MEIKIN: variants seen among roughly 807,000 people sequenced by gnomAD.
MEIKIN encodes the protein meiotic kinetochore factor.
At chr5:131,886,222 A>G (rs1341938592) in intron 8 of MEIKIN, among the ~76,000 whole-genome samples, 1 of 152,210 alleles carries the variant, frequency 6.6e-6, no homozygotes, top group Non-Finnish European at 1.5e-5. Flanking sequence ...CAGGAGGTAG[A>G]GAAAAAGACA....
At chr5:131,819,815 G>A (rs1417248845) in intron 11 of MEIKIN, among the ~76,000 whole-genome samples, 2 of 111,456 alleles carry the variant, frequency 1.8e-5, no homozygotes, top group Non-Finnish European at 3.3e-5. Context: ...TCGCTCTGTC[G>A]CCCAGGCTGG....
rs1174500338 is a variant in MEIKIN, at chr5:131,889,129, T to A, written c.704-10081A>T. Among the ~76,000 whole-genome samples, 3 of 152,202 alleles carry A rather than the reference T, an allele frequency of 2.0e-5. No homozygotes were observed. In the East Asian group the frequency reaches 5.8e-4, roughly 29 times the overall value. On this transcript the variant is annotated intron_variant, in intron 8 of 12. Transcript: ENST00000442687. ...GTTACTGTAGCCTTGTAGTATAGTT[T>A]GGAGTTAGGTAGCGTGATGCCTCCA... is the stretch of plus-strand genomic sequence containing the variant.
In MEIKIN at chr5:131,827,148, C is replaced by A. The variant is rs554401951; in HGVS notation, c.976-8285G>T. 2.0e-5 allele frequency among the ~76,000 whole-genome samples: 3 copies of A among 152,112 alleles called. No homozygotes were observed. The East Asian group carries it at 5.8e-4, about 29-fold the overall frequency. ...TACAGGCATGTGCCACAATGCCTGG[C>A]TAATTATTTTTCCTTTTGTAGAGAC... On this transcript the variant is annotated intron_variant, in intron 11 of 12. Transcript: ENST00000442687.
At chr5:131,883,643 G>A (rs768240887) in intron 8 of MEIKIN, among the ~76,000 whole-genome samples, 1 of 152,218 alleles carries the variant, frequency 6.6e-6, no homozygotes, top group Non-Finnish European at 1.5e-5. Context: ...CATTGCCCCT[G>A]CAAGGACACC....
chr5:131,842,421 T>C (rs1749931521), intron 11 of MEIKIN, among the ~76,000 whole-genome samples: 1 of 152,218 alleles, frequency 6.6e-6, no homozygotes, highest in South Asian at 2.1e-4. Flanking sequence ...TCATTGAGTA[T>C]ATTAGTTGTG....
Position 131,944,649 on chromosome 5 carries a change from A to T in MEIKIN, c.288+16T>A, listed in dbSNP as rs943664712. 7 of 398,970 alleles carry T rather than the reference A, an allele frequency of 1.8e-5. No individual in the cohort carries two copies. Among genetic ancestry groups the T allele is most frequent in the Non-Finnish European group, 8.8e-6 (2 of 226,076 alleles). 24.7% of individuals were successfully genotyped at this position (398,970 alleles called of 1,614,324 possible). ...ACACTAAGTGTGTCCAAGGACTAAA[A>T]GAGAAGCATACATACACGCAACGAT... On this transcript the variant is annotated intron_variant, in intron 3 of 12. Transcript: ENST00000442687.
At chr5:131,825,807 T>C (rs1749599933) in intron 11 of MEIKIN, among the ~76,000 whole-genome samples, 1 of 152,214 alleles carries the variant, frequency 6.6e-6, no homozygotes, top group African/African-American at 2.4e-5. Flanking sequence ...ACCTTGGGAA[T>C]GTGCAAGCCT....
At chr5:131,899,108 C>T (rs1297786487) in intron 8 of MEIKIN, among the ~76,000 whole-genome samples, 1 of 151,924 alleles carries the variant, frequency 6.6e-6, no homozygotes, top group Non-Finnish European at 1.5e-5. Context: ...GATGAACTAG[C>T]CAAAAATAAT....
chr5:131,898,704 A>C (rs1302064415), intron 8 of MEIKIN, among the ~76,000 whole-genome samples: 1 of 152,138 alleles, frequency 6.6e-6, no homozygotes, highest in Non-Finnish European at 1.5e-5. Context: ...CAGTGAGCAA[A>C]ACTCCGTGGG....
chr5:131,913,001 G>A (rs1357635630), intron 7 of MEIKIN, among the ~76,000 whole-genome samples: 1 of 152,150 alleles, frequency 6.6e-6, no homozygotes, highest in South Asian at 2.1e-4. Flanking sequence ...GTACAGGAAA[G>A]TCTTTCTCAA....
At chr5:131,874,790 T>C (rs1561740698) in intron 9 of MEIKIN, among the ~76,000 whole-genome samples, 2 of 152,172 alleles carry the variant, frequency 1.3e-5, no homozygotes, top group Admixed American at 6.5e-5. Flanking sequence ...AAAAAGCTTA[T>C]CCACCATGAT....
At chr5:131,857,240 T>G (rs897885817) in intron 9 of MEIKIN, among the ~76,000 whole-genome samples, 1 of 152,198 alleles carries the variant, frequency 6.6e-6, no homozygotes, top group Non-Finnish European at 1.5e-5. Flanking sequence ...ACTTCTCACA[T>G]GTCCTATTAT....
intron 9 of MEIKIN, among the ~76,000 whole-genome samples, chr5:131,869,223 G>A (rs184863268): frequency 6.6e-6 from 1 of 152,246 alleles, no homozygotes; most frequent in East Asian, 1.9e-4. Flanking sequence ...AGCACCATTT[G>A]TAGAAAATAC....
intron 8 of MEIKIN, among the ~76,000 whole-genome samples, chr5:131,893,399 G>A (rs1463269277): frequency 1.3e-5 from 2 of 152,370 alleles, no homozygotes; most frequent in South Asian, 2.1e-4. Context: ...CCATGTGGGG[G>A]ATATAATCTC....
At position 131,825,156 on chromosome 5, in the gene MEIKIN, TAC is replaced by T. The variant is rs1248643812; in HGVS notation, c.976-6295_976-6294del. On this transcript the variant is annotated intron_variant, in intron 11 of 12. Transcript: ENST00000442687. ...TCAAGGATACGGTGATCCATGATCTTACCACTGCACTCCAGCCTGGGTGACAG... is the reference window on the plus strand; with the variant it reads ...TCAAGGATACGGTGATCCATGATCTTCACTGCACTCCAGCCTGGGTGACAG... Among the ~76,000 whole-genome samples, 4 of 152,116 alleles carry T rather than the reference TAC, an allele frequency of 2.6e-5. No individual in the cohort carries two copies. The East Asian group carries it at 7.7e-4, about 29-fold the overall frequency.
intron 9 of MEIKIN, among the ~76,000 whole-genome samples, chr5:131,866,514 G>A (rs1750388129): frequency 6.6e-6 from 1 of 152,208 alleles, no homozygotes; most frequent in African/African-American, 2.4e-5. Context: ...TGGGAAGAGT[G>A]GGGTTGCTTC....
intron 5 of MEIKIN, among the ~76,000 whole-genome samples, chr5:131,923,039 CCACCACCA>C (rs1751531462): frequency 6.6e-6 from 1 of 152,074 alleles, no homozygotes; most frequent in Non-Finnish European, 1.5e-5. Flanking sequence ...TTACAGGCAT[CCACCACCA>C]CACCCGGCTA....
rs114484872 is a variant in MEIKIN, at chr5:131,911,039, C to G, written c.703+776G>C. Among the ~76,000 whole-genome samples the G allele has an allele frequency of 4.6e-3, 703 of 152,150 alleles. 5 individuals are homozygous for G. The highest frequency in any genetic ancestry group is 0.02 in the Middle Eastern group (6 of 294). ...TCTTTGATCTGTAAAACAAATCCTT[C>G]TTCCAATGCTAACCCTCCAGGGTAG... On this transcript the variant is annotated intron_variant, in intron 8 of 12. Transcript: ENST00000442687.
At chr5:131,860,279 AGTTT>A (rs1033791571) in intron 9 of MEIKIN, among the ~76,000 whole-genome samples, 2 of 104,100 alleles carry the variant, frequency 1.9e-5, no homozygotes, top group African/African-American at 9.3e-5. Flanking sequence ...ATTTATGCCT[AGTTT>A]TTTTTTTTTT....
Sources: gnomAD v4.1 joint callset for allele counts (sites outside exome capture counted in the v4.1 genomes callset) on GRCh38, gnomAD v4.1.1 for gene constraint, MANE v1.5 for transcripts, NCBI Gene and HGNC (gene_info 2026-07-23, HGNC 2026-07-21) for gene names.